Variants in GBP4 observed in about 807,000 individuals in gnomAD.
GBP4 encodes guanylate-binding protein 4.
Under a neutral mutation model 62.2 loss-of-function variants are expected in GBP4, and 69 were observed. That is an observed-to-expected ratio of 1.11 (90% CI 0.91 to 1.36). GBP4 has a LOEUF of 1.36. GBP4 is among the 40% of genes most tolerant of loss of function. The probability of loss-of-function intolerance (pLI) is 0.00; values close to 1 mark genes in which losing one functional copy is unlikely to be tolerated. For synonymous variants in GBP4, 278 were observed against 274.6 expected (o/e 1.01, Z -0.12); for missense variants, 697 against 759.3 (o/e 0.92, Z 0.96).
rs1557472986 is a variant in GBP4, at chr1:89,186,992, C to T, written c.1513+8G>A. 2.5e-6 allele frequency: 4 copies of T among 1,613,156 alleles called. No individual in the cohort carries two copies. The highest frequency in any genetic ancestry group is 3.4e-6 in the Non-Finnish European group (4 of 1,179,340). On this transcript the variant is annotated splice_region_variant and intron_variant, in intron 9 of 10. Coordinates refer to ENST00000355754, the MANE Select transcript of GBP4 (RefSeq NM_052941.5). ...AATCCCTCTGATAGCTGAGCCCTGC[C>T]CCTGTACCTGCTATGGCCTTCTCTC...
Position 89,188,709 on chromosome 1 carries a change from AGC to A in GBP4, c.1281_1282del (p.Leu428PhefsTer30). The stretch of plus-strand genomic sequence containing the variant: ...AATGCTTTCTGTCAGGTGCTCTGAA[AGC>A]CGCTTAAGCTCAGCCTGGCAATATT... On this transcript the variant is annotated frameshift_variant, in exon 8 of 11. Transcript: ENST00000355754. LOFTEE classifies it high-confidence loss of function. 1 of 1,614,250 alleles carries A rather than the reference AGC, an allele frequency of 6.2e-7. No individual in the cohort carries two copies. Among genetic ancestry groups the A allele is most frequent in the Non-Finnish European group, 8.5e-7 (1 of 1,180,044 alleles).
At chr1:89,197,058 T>C (rs2100680444) in intron 2 of GBP4, 52 bp downstream of exon 2, 2 of 1,494,952 alleles carry the variant, frequency 1.3e-6, no homozygotes, top group East Asian at 4.6e-5. Flanking sequence ...TGTGATCAGC[T>C]GTGTTATCAC....
At chr1:89,187,157 G>T (rs954317844) in intron 8 of GBP4, 55 bp from the exon 9 acceptor site, 3 of 1,389,138 alleles carry the variant, frequency 2.2e-6, no homozygotes, top group Non-Finnish European at 3.1e-6. Context: ...CTCATCTTAT[G>T]ATGGCGAAAT....
Position 89,187,066 on chromosome 1 carries a change from C to G in GBP4, c.1447G>C (p.Val483Leu). ...EVLQNFLQSQ[V>L]VVEESILQSD... Reference sequence around the variant, plus strand: ...TGCAGGATGGATTCCTCTACAACCACCTGTGACTGCAGGAAGTTCTGGAGG... The same window carrying G: ...TGCAGGATGGATTCCTCTACAACCAGCTGTGACTGCAGGAAGTTCTGGAGG... The change falls in exon 9 of 11, where the codon GTG becomes CTG. Residue 483 changes from valine (V) to leucine (L), a missense_variant. Physicochemically the swap from Val to Leu is conservative, Grantham distance 32. Coordinates refer to ENST00000355754, the MANE Select transcript of GBP4 (RefSeq NM_052941.5). 1 of 1,614,164 alleles carries G rather than the reference C, an allele frequency of 6.2e-7. No homozygotes were observed. Among genetic ancestry groups the G allele is most frequent in the Non-Finnish European group, 8.5e-7 (1 of 1,180,014 alleles).
In GBP4 at chr1:89,190,303, A is replaced by G; in HGVS notation, c.932T>C (p.Val311Ala). 6.2e-7 allele frequency: 1 copy of G among 1,605,864 alleles called. No individual in the cohort carries two copies. Among genetic ancestry groups the G allele is most frequent in the Non-Finnish European group, 8.5e-7 (1 of 1,173,208 alleles). The change falls in exon 7 of 11, where the codon GTG (valine) becomes GCG (alanine). Residue 311 changes from valine (V) to alanine (A), a missense_variant. Coordinates refer to ENST00000355754, the MANE Select transcript of GBP4 (RefSeq NM_052941.5). ...IVTGKRLGTL[V>A]VTYVDAINSG... ...GTTGATGGCATCTACATAAGTCACC[A>G]CCAGAGTCCCCAGCCCTGAATCACA...
Position 89,198,918 on chromosome 1 carries a change from G to A in GBP4, c.-84C>T. ...TCCAGCCGGATTTACAGACATCCAAGTAAGAGTCTGTGAGAACCGAAATTG... is the reference window on the plus strand; with the variant it reads ...TCCAGCCGGATTTACAGACATCCAAATAAGAGTCTGTGAGAACCGAAATTG... On this transcript the variant is annotated 5_prime_UTR_variant, in exon 1 of 11. Coordinates refer to ENST00000355754, the MANE Select transcript of GBP4 (RefSeq NM_052941.5). 2.3e-6 allele frequency: 3 copies of A among 1,287,596 alleles called. No homozygotes were observed. The highest frequency in any genetic ancestry group is 2.3e-6 in the Non-Finnish European group (2 of 882,238). The allele number at this position is 1,287,596 out of a possible 1,614,324, so 79.8% of individuals were successfully genotyped here.
chr1:89,198,516 A>G (rs1476898662), intron 1 of GBP4, among the ~76,000 whole-genome samples: 1 of 152,084 alleles, frequency 6.6e-6, no homozygotes, highest in Non-Finnish European at 1.5e-5. Flanking sequence ...AAAATGCCAC[A>G]GCTCTGGGAG....
intron 1 of GBP4, 103 bp from the exon 2 acceptor site, chr1:89,197,407 A>G: frequency 2.4e-6 from 2 of 829,544 alleles, no homozygotes; most frequent in Non-Finnish European, 1.8e-6. Flanking sequence ...GTGGAATGGT[A>G]TATAAAATTT....
chr1:89,189,384 C>T (rs142300117), intron 7 of GBP4, among the ~76,000 whole-genome samples: 3 of 152,304 alleles, frequency 2.0e-5, no homozygotes, highest in African/African-American at 7.2e-5. Context: ...GAAAGACAAA[C>T]TTTCAGTAAA....
chr1:89,186,971 C>CCTCT (rs769985149), intron 9 of GBP4, 29 bp downstream of exon 9: 15 of 1,600,490 alleles, frequency 9.4e-6, no homozygotes, highest in Non-Finnish European at 1.2e-5. Context: ...ACTCCCAATC[C>CCTCT]CTCTGATAGC....
At position 89,184,622 on chromosome 1, in the gene GBP4, C is replaced by G. The variant is rs1488015030; in HGVS notation, c.*632G>C. The G allele has an allele frequency of 6.6e-6, 1 of 152,172 alleles. No homozygotes were observed. Among genetic ancestry groups the G allele is most frequent in the Non-Finnish European group, 1.5e-5 (1 of 68,048 alleles). 9.4% of individuals were successfully genotyped at this position (152,172 alleles called of 1,614,324 possible). ...AACAGAAACCCAAATACCACATGTT[C>G]TCACTTATAAATGGGGGCCAAACAA... On this transcript the variant is annotated 3_prime_UTR_variant, in exon 11 of 11. Coordinates refer to ENST00000355754, the MANE Select transcript of GBP4 (RefSeq NM_052941.5).
chr1:89,186,008 G>A (rs530507096), intron 10 of GBP4, among the ~76,000 whole-genome samples: 3 of 152,266 alleles, frequency 2.0e-5, no homozygotes, highest in East Asian at 3.9e-4. Context: ...TACTTTAGAT[G>A]GTTGTGCCAA....
rs1648099680 is a variant in GBP4, at chr1:89,188,593, T to C, written c.1399A>G (p.Lys467Glu). Reference protein sequence around the residue: ...VEWDYKLVPRKGVKANEVLQN... With the variant: ...VEWDYKLVPREGVKANEVLQN... ...CCCCTTTTCCTCACCTTAACTCCTT[T>C]TCTGGGCACTAGCTTATAGTCCCAC... is the stretch of plus-strand genomic sequence containing the variant. The change falls in exon 8 of 11, where the codon AAA becomes GAA. Residue 467 changes from lysine (K) to glutamate (E), a missense_variant. Physicochemically the swap from Lys to Glu is moderately conservative, Grantham distance 56. Coordinates refer to ENST00000355754, the MANE Select transcript of GBP4 (RefSeq NM_052941.5). The C allele has an allele frequency of 3.1e-6, 5 of 1,613,774 alleles. No individual in the cohort carries two copies. The African/African-American group carries it at 6.7e-5, about 22-fold the overall frequency.
At chr1:89,194,366 T>C (rs1648269235) in intron 3 of GBP4, among the ~76,000 whole-genome samples, 3 of 152,212 alleles carry the variant, frequency 2.0e-5, no homozygotes, top group Admixed American at 2.0e-4. Flanking sequence ...TGTTTTGATA[T>C]GTTTTGATCG....
chr1:89,192,905 T>C lies in GBP4; in HGVS notation c.669A>G (p.Pro223=). The part of the protein sequence containing the change: ...EYLENALKLI[P]GKNPKIQNSN... The stretch of plus-strand genomic sequence containing the variant: ...CACATCCAGGCCATGCTCTGATACC[T>C]GGAATCAGCTTCAAGGCATTCTCCA... The change falls in exon 5 of 11, where the codon CCA becomes CCG. Residue 223 remains proline (P), a splice_region_variant and synonymous_variant. Transcript: ENST00000355754. 2 of 1,613,466 alleles carry C rather than the reference T, an allele frequency of 1.2e-6. No individual in the cohort carries two copies. The highest frequency in any genetic ancestry group is 1.7e-6 in the Non-Finnish European group (2 of 1,179,496).
chr1:89,183,574 T>C lies in GBP4; in HGVS notation c.*1680A>G, dbSNP rs563440963. On this transcript the variant is annotated 3_prime_UTR_variant, in exon 11 of 11. Coordinates refer to ENST00000355754, the MANE Select transcript of GBP4 (RefSeq NM_052941.5). The stretch of plus-strand genomic sequence containing the variant: ...AGGAGATCTAATTAAATTAAAGAGC[T>C]TCTGCACATCAAAAGAAACTATTGG... 6.6e-6 allele frequency: 1 copy of C among 152,286 alleles called. No homozygotes were observed. The highest frequency in any genetic ancestry group is 2.1e-4 in the South Asian group (1 of 4,824). The allele number at this position is 152,286 out of a possible 1,614,324, so 9.4% of individuals were successfully genotyped here.
At position 89,192,956 on chromosome 1, in the gene GBP4, T is replaced by C; in HGVS notation, c.618A>G (p.Gly206=). 6.2e-7 allele frequency: 1 copy of C among 1,614,194 alleles called. No individual in the cohort carries two copies. The highest frequency in any genetic ancestry group is 8.5e-7 in the Non-Finnish European group (1 of 1,180,014). The change falls in exon 5 of 11, where the codon GGA becomes GGG. Residue 206 remains glycine, a synonymous_variant. Coordinates refer to ENST00000355754, the MANE Select transcript of GBP4 (RefSeq NM_052941.5). The part of the protein sequence containing the change: ...RDFTLELKLD[G]NPITEDEYLE... Reference sequence around the variant, plus strand: ...GGTACTCATCTTCTGTGATGGGGTTTCCATCTAACTTTAGCTCCAGGGTAA... The same window carrying C: ...GGTACTCATCTTCTGTGATGGGGTTCCCATCTAACTTTAGCTCCAGGGTAA...
intron 8 of GBP4, 73 bp from the exon 9 acceptor site, chr1:89,187,175 C>A: frequency 8.4e-7 from 1 of 1,189,410 alleles, no homozygotes; most frequent in South Asian, 1.2e-5. Context: ...AATTATTGTT[C>A]AATAAAGTCA....
In GBP4 at chr1:89,183,966, C is replaced by G. The variant is rs1476905730; in HGVS notation, c.*1288G>C. 2 of 152,076 alleles carry G rather than the reference C, an allele frequency of 1.3e-5. No homozygotes were observed. Among genetic ancestry groups the G allele is most frequent in the Non-Finnish European group, 2.9e-5 (2 of 68,022 alleles). The allele number at this position is 152,076 out of a possible 1,614,324, so 9.4% of individuals were successfully genotyped here. ...TAGAAAATATTTGCCAACTATGCAT[C>G]CAACAAAGATCTAATATCCAGAATC... On this transcript the variant is annotated 3_prime_UTR_variant, in exon 11 of 11. Transcript: ENST00000355754.
Sources: allele counts gnomAD v4.1 joint callset (sites outside exome capture counted in the v4.1 genomes callset), GRCh38; gene constraint gnomAD v4.1.1; transcripts MANE v1.5; gene names NCBI Gene and HGNC (gene_info 2026-07-23, HGNC 2026-07-21).